SMAD5: variants seen among roughly 807,000 people sequenced by gnomAD.
The protein encoded by SMAD5 is MAD, mothers against decapentaplegic homolog 5.
Under a neutral mutation model 43.1 loss-of-function variants are expected in SMAD5, and 9 were observed. The observed-to-expected ratio is 0.21, with a 90% CI of 0.13 to 0.36. The LOEUF is 0.36. Among genes scored for constraint, SMAD5 ranks in the 10% least tolerant of loss-of-function variants. The pLI is 1.00. For synonymous variants in SMAD5, 190 were observed against 192.4 expected (o/e 0.99, Z 0.10); for missense variants, 348 against 574.0 (o/e 0.61, Z 4.02).
At chr5:136,147,217 A>G (rs1359423986) in intron 1 of SMAD5, among the ~76,000 whole-genome samples, 1 of 151,768 alleles carries the variant, frequency 6.6e-6, no homozygotes, top group African/African-American at 2.4e-5. Context: ...AAAAAAATAT[A>G]TTTTTATGCA....
At chr5:136,152,349 A>G (rs906852840) in intron 2 of SMAD5, among the ~76,000 whole-genome samples, 2 of 152,172 alleles carry the variant, frequency 1.3e-5, no homozygotes, top group African/African-American at 2.4e-5. Flanking sequence ...CAAAGAATCA[A>G]TAATTATTTG....
At chr5:136,143,430 TTAGA>T (rs1186878034) in intron 1 of SMAD5, among the ~76,000 whole-genome samples, 1 of 152,030 alleles carries the variant, frequency 6.6e-6, no homozygotes, top group South Asian at 2.1e-4. Flanking sequence ...GTCTTTCGGC[TTAGA>T]TAGAACTCTA....
intron 3 of SMAD5, among the ~76,000 whole-genome samples, chr5:136,158,239 A>G (rs1345488534): frequency 6.6e-6 from 1 of 152,108 alleles, no homozygotes; most frequent in African/African-American, 2.4e-5. Context: ...AAAAAGCCCC[A>G]CATGAAATTT....
At chr5:136,140,685 C>G (rs1020814190) in intron 1 of SMAD5, among the ~76,000 whole-genome samples, 1 of 151,948 alleles carries the variant, frequency 6.6e-6, no homozygotes, top group Non-Finnish European at 1.5e-5. Flanking sequence ...AATTACACCT[C>G]TCTTCCAGGA....
chr5:136,154,219 C>T, intron 3 of SMAD5, 56 bp downstream of exon 3: 1 of 1,071,156 alleles, frequency 9.3e-7, no homozygotes, highest in Non-Finnish European at 1.3e-6. Context: ...ACCTCTCTTC[C>T]TGATATGCAT....
In SMAD5 at chr5:136,177,520, G is replaced by GT. The variant is rs759494297; in HGVS notation, c.*44dup. 42 of 1,503,334 alleles carry GT rather than the reference G, an allele frequency of 2.8e-5. No individual in the cohort carries two copies. The highest frequency in any genetic ancestry group is 8.1e-6 in the Non-Finnish European group (9 of 1,106,000). 93.1% of individuals were successfully genotyped at this position (1,503,334 alleles called of 1,614,324 possible). On this transcript the variant is annotated 3_prime_UTR_variant, in exon 8 of 8. Transcript: ENST00000545279. ...TTTCAATTATATTGTTAGTGGACTT[G>GT]TTTTAATTTTAGAGAAACTTTGAGT...
At chr5:136,143,569 G>A (rs1483376333) in intron 1 of SMAD5, among the ~76,000 whole-genome samples, 1 of 151,890 alleles carries the variant, frequency 6.6e-6, no homozygotes, top group African/African-American at 2.4e-5. Context: ...CTAGCTGATT[G>A]TCACCTCCTA....
chr5:136,151,219 T>G (rs867328260), intron 2 of SMAD5, among the ~76,000 whole-genome samples: 6 of 152,122 alleles, frequency 3.9e-5, no homozygotes, highest in Admixed American at 1.3e-4. Context: ...AACATTGCAT[T>G]GGGGAAAACA....
chr5:136,165,140 A>T (rs1452735696), intron 5 of SMAD5, among the ~76,000 whole-genome samples: 1 of 151,598 alleles, frequency 6.6e-6, no homozygotes, highest in Non-Finnish European at 1.5e-5. Context: ...TTTATTTTTA[A>T]TTTTTAAATT....
intron 6 of SMAD5, 151 bp from the exon 7 acceptor site, chr5:136,174,225 G>A (rs1439443039): frequency 3.2e-6 from 2 of 617,016 alleles, no homozygotes; most frequent in Non-Finnish European, 5.6e-6. Flanking sequence ...GATTATCTTT[G>A]GCAGCAGAAG....
At chr5:136,149,370 T>G (rs1249289515) in intron 2 of SMAD5, among the ~76,000 whole-genome samples, 1 of 151,886 alleles carries the variant, frequency 6.6e-6, no homozygotes, top group African/African-American at 2.4e-5. Context: ...TAGGGATCTA[T>G]GTTTAGCGTT....
At chr5:136,140,860 A>G (rs1301327251) in intron 1 of SMAD5, among the ~76,000 whole-genome samples, 3 of 151,822 alleles carry the variant, frequency 2.0e-5, no homozygotes, top group Non-Finnish European at 2.9e-5. Context: ...AGCTCCTAAA[A>G]TGCTATCTTA....
chr5:136,139,614 T>C (rs1359114905), intron 1 of SMAD5, among the ~76,000 whole-genome samples: 1 of 152,196 alleles, frequency 6.6e-6, no homozygotes, highest in African/African-American at 2.4e-5. Context: ...CTCCCTTAGA[T>C]TACTGCATCT....
chr5:136,147,995 T>G (rs574874957), intron 2 of SMAD5, 89 bp downstream of exon 2: 3 of 151,846 alleles, frequency 2.0e-5, no homozygotes, highest in Non-Finnish European at 4.4e-5. Context: ...ATAGAGAATT[T>G]CATTTAAAAT....
chr5:136,139,696 G>A (rs996980169), intron 1 of SMAD5, among the ~76,000 whole-genome samples: 2 of 151,894 alleles, frequency 1.3e-5, no homozygotes, highest in East Asian at 3.9e-4. Flanking sequence ...TACCAGCCAG[G>A]ATTTATTTAT....
At chr5:136,154,970 T>C (rs1017701648) in intron 3 of SMAD5, among the ~76,000 whole-genome samples, 1 of 152,192 alleles carries the variant, frequency 6.6e-6, no homozygotes, top group African/African-American at 2.4e-5. Context: ...TGGCGTATTC[T>C]CCTGTTTTCA....
chr5:136,161,167 T>G, intron 4 of SMAD5, 60 bp downstream of exon 4: 49 of 1,508,100 alleles, frequency 3.2e-5, no homozygotes, highest in Non-Finnish European at 3.8e-5. Context: ...ACAGTTGTTC[T>G]TACTGTGGGC....
intron 6 of SMAD5, among the ~76,000 whole-genome samples, chr5:136,173,967 C>T (rs1754314933): frequency 6.6e-6 from 1 of 151,292 alleles, no homozygotes; most frequent in South Asian, 2.1e-4. Flanking sequence ...TTGCTGTCCT[C>T]TTTGTTAGCA....
chr5:136,172,810 A>G (rs1431693475), intron 6 of SMAD5, 155 bp downstream of exon 6: 1 of 611,614 alleles, frequency 1.6e-6, no homozygotes, highest in Admixed American at 2.9e-5. Context: ...TTAATCAAAT[A>G]AAGACATGAT....
Sources: allele counts gnomAD v4.1 joint callset (sites outside exome capture counted in the v4.1 genomes callset), GRCh38; gene constraint gnomAD v4.1.1; transcripts MANE v1.5; gene names NCBI Gene and HGNC (gene_info 2026-07-23, HGNC 2026-07-21).